Variants in NRXN1 observed in about 807,000 individuals in gnomAD.
The protein encoded by NRXN1 is neurexin-1.
NRXN1 carries 39 observed loss-of-function variants against 150.9 expected under a neutral mutation model. The ratio of observed to expected loss-of-function variants is 0.26; its 90% CI spans 0.20 to 0.34. NRXN1 has a LOEUF of 0.34. NRXN1 is among the 10% of genes least tolerant of loss of function. The pLI, the probability that NRXN1 is intolerant of heterozygous loss-of-function variation, is 1.00. For synonymous variants in NRXN1, 924 were observed against 757.0 expected (o/e 1.22, Z -3.62); for missense variants, 1,815 against 1,949.9 (o/e 0.93, Z 1.30).
intron 18 of NRXN1, among the ~76,000 whole-genome samples, chr2:50,163,432 A>G (rs2059487400): frequency 1.3e-5 from 2 of 152,146 alleles, no homozygotes; most frequent in African/African-American, 4.8e-5. Flanking sequence ...GTAGAGGGAA[A>G]ACAGACAGAT....
intron 5 of NRXN1, among the ~76,000 whole-genome samples, chr2:50,688,491 A>G (rs1455752158): frequency 1.3e-5 from 2 of 152,114 alleles, no homozygotes; most frequent in Non-Finnish European, 2.9e-5. Context: ...TCACCTCTCT[A>G]AAACAGAGTG....
At chr2:50,273,663 G>A (rs987967909) in intron 17 of NRXN1, among the ~76,000 whole-genome samples, 2 of 151,992 alleles carry the variant, frequency 1.3e-5, no homozygotes, top group Non-Finnish European at 2.9e-5. Context: ...GAAAAATTTA[G>A]TCAAGTATAA....
intron 17 of NRXN1, among the ~76,000 whole-genome samples, chr2:50,400,781 G>C (rs2082342160): frequency 2.6e-5 from 4 of 152,152 alleles, no homozygotes; most frequent in Admixed American, 6.5e-5. Context: ...GGAATGTTTT[G>C]CATTCAAGAA....
intron 17 of NRXN1, among the ~76,000 whole-genome samples, chr2:50,332,280 T>C (rs2076885906): frequency 6.6e-6 from 1 of 152,100 alleles, no homozygotes; most frequent in African/African-American, 2.4e-5. Context: ...GTAGAAGAGG[T>C]TATTTAGAAA....
At chr2:50,035,857 C>A (rs1689953620) in intron 21 of NRXN1, among the ~76,000 whole-genome samples, 1 of 152,048 alleles carries the variant, frequency 6.6e-6, no homozygotes, top group East Asian at 1.9e-4. Context: ...GTAAAGTGAT[C>A]TTTGAATAAT....
At chr2:50,181,115 A>C (rs932144115) in intron 18 of NRXN1, among the ~76,000 whole-genome samples, 3 of 152,146 alleles carry the variant, frequency 2.0e-5, no homozygotes, top group South Asian at 2.1e-4. Flanking sequence ...ATAACGTATT[A>C]GAGCTCAGTA....
intron 2 of NRXN1, among the ~76,000 whole-genome samples, chr2:50,955,099 C>G (rs1012929511): frequency 6.6e-6 from 1 of 152,154 alleles, no homozygotes; most frequent in Non-Finnish European, 1.5e-5. Flanking sequence ...CACACACACA[C>G]GCACACACAA....
intron 21 of NRXN1, among the ~76,000 whole-genome samples, chr2:50,029,343 C>T (rs551781346): frequency 6.6e-6 from 1 of 152,268 alleles, no homozygotes; most frequent in Non-Finnish European, 1.5e-5. Flanking sequence ...ATTGGACTAA[C>T]ACAGTGAAGC....
chr2:49,994,584 A>G (rs897734414), intron 21 of NRXN1, among the ~76,000 whole-genome samples: 5 of 152,172 alleles, frequency 3.3e-5, no homozygotes, highest in African/African-American at 9.7e-5. Context: ...CAGAGATCAC[A>G]TGGTCACAAC....
chr2:50,860,849 G>A lies in NRXN1; in HGVS notation c.832+61020C>T, dbSNP rs74615204. Among the ~76,000 whole-genome samples the A allele has an allele frequency of 7.4e-4, 112 of 152,200 alleles. 1 individual carries two copies. In the East Asian group the frequency reaches 0.012, roughly 17 times the overall value. On this transcript the variant is annotated intron_variant, in intron 5 of 22. Transcript: ENST00000401669. ...GCCAGATTTAAAACTGTATATAAGT[G>A]AAGAGTCTTCACATTCAACATGACA...
chr2:50,519,238 C>G (rs970144708), intron 12 of NRXN1, among the ~76,000 whole-genome samples: 1 of 151,754 alleles, frequency 6.6e-6, no homozygotes, highest in Non-Finnish European at 1.5e-5. Context: ...TTAGCTAAAC[C>G]CTTCTTTATT....
At chr2:50,435,881 A>T (rs719293) in intron 17 of NRXN1, among the ~76,000 whole-genome samples, 28,698 of 151,948 alleles carry the variant, frequency 0.19, 3,682 homozygotes, top group East Asian at 0.53. Context: ...TGGTAAAATA[A>T]TCTGTACACC....
At chr2:50,524,881 CAT>C (rs1417235490) in intron 12 of NRXN1, among the ~76,000 whole-genome samples, 1 of 152,036 alleles carries the variant, frequency 6.6e-6, no homozygotes, top group East Asian at 1.9e-4. Context: ...AAAAAAAATA[CAT>C]AGAAACACAT....
At chr2:50,554,360 G>A (rs1186431435) in intron 8 of NRXN1, 4 of 152,064 alleles carry the variant, frequency 2.6e-5, no homozygotes, top group Non-Finnish European at 4.4e-5. Context: ...TTTCCTGATA[G>A]GATTTGTTAA....
At chr2:50,071,916 T>C (rs1469829731) in intron 19 of NRXN1, among the ~76,000 whole-genome samples, 2 of 152,228 alleles carry the variant, frequency 1.3e-5, no homozygotes, top group East Asian at 3.8e-4. Flanking sequence ...TATTTTGTCC[T>C]GTTCTGGTTT....
intron 21 of NRXN1, among the ~76,000 whole-genome samples, chr2:50,009,341 G>A (rs556085877): frequency 1.3e-5 from 2 of 152,190 alleles, no homozygotes; most frequent in East Asian, 1.9e-4. Flanking sequence ...AAATAAGATG[G>A]TATTTTCCAA....
chr2:50,894,504 C>T (rs1681613986), intron 5 of NRXN1, among the ~76,000 whole-genome samples: 1 of 151,708 alleles, frequency 6.6e-6, no homozygotes, highest in South Asian at 2.1e-4. Context: ...TCCATAAACG[C>T]AGAACACTTA....
intron 5 of NRXN1, among the ~76,000 whole-genome samples, chr2:50,643,302 T>C (rs905714837): frequency 2.0e-5 from 3 of 151,958 alleles, no homozygotes; most frequent in African/African-American, 7.2e-5. Flanking sequence ...CCTCAATAAA[T>C]TGTAAAAAAA....
At chr2:50,864,781 C>T (rs971556969) in intron 5 of NRXN1, among the ~76,000 whole-genome samples, 6 of 151,914 alleles carry the variant, frequency 3.9e-5, no homozygotes, top group African/African-American at 1.2e-4. Flanking sequence ...TCCTTTGAAA[C>T]TTGGTTTTTG....
Sources: gnomAD v4.1 joint callset for allele counts (sites outside exome capture counted in the v4.1 genomes callset) on GRCh38, gnomAD v4.1.1 for gene constraint, MANE v1.5 for transcripts, NCBI Gene and HGNC (gene_info 2026-07-23, HGNC 2026-07-21) for gene names.